The following MGST1 variants were observed in gnomAD, a reference collection of about 807,000 sequenced individuals.
The protein encoded by MGST1 is microsomal glutathione S-transferase 1, also known as glutathione S-transferase 12.
Under a neutral mutation model 8.9 loss-of-function variants are expected in MGST1, and 5 were observed. That is an observed-to-expected ratio of 0.56 (90% CI 0.29 to 1.19). MGST1 has a LOEUF of 1.19. MGST1 is among the 50% of genes most tolerant of loss of function. The pLI, the probability that MGST1 is intolerant of heterozygous loss-of-function variation, is 0.08. For synonymous variants in MGST1, 54 were observed against 67.8 expected (o/e 0.80, Z 1.00); for missense variants, 182 against 187.4 (o/e 0.97, Z 0.17).
At chr12:16,417,845 A>G (rs1275073279) in intron 1 of MGST1, among the ~76,000 whole-genome samples, 1 of 152,188 alleles carries the variant, frequency 6.6e-6, no homozygotes, top group Non-Finnish European at 1.5e-5. Context: ...CAACTACTAA[A>G]ACATCAAAAG....
chr12:16,356,607 C>T (rs958106068), intron 2 of MGST1, among the ~76,000 whole-genome samples: 5 of 152,110 alleles, frequency 3.3e-5, no homozygotes, highest in Admixed American at 1.3e-4. Context: ...TAAATAGTGG[C>T]ACATGCTTAA....
intron 1 of MGST1, among the ~76,000 whole-genome samples, chr12:16,421,203 G>A (rs1473472661): frequency 2.6e-5 from 4 of 152,012 alleles, no homozygotes; most frequent in African/African-American, 9.7e-5. Flanking sequence ...GGGAAGGGAG[G>A]TACTAAACAT....
rs1941812928 is a variant in MGST1, at chr12:16,544,676, C to T, written n.483-44852C>T. Among the ~76,000 whole-genome samples the T allele has an allele frequency of 6.6e-6, 1 of 151,820 alleles. No individual in the cohort carries two copies. Among genetic ancestry groups the T allele is most frequent in the Admixed American group, 6.6e-5 (1 of 15,214 alleles). ...GTTCAAGTCCTTATTTCTGAGGGGA[C>T]AAAAATATCAAAATAATCCTATAGC... On this transcript the variant is annotated intron_variant and non_coding_transcript_variant, in intron 4 of 4. Transcript: ENST00000538857. The surrounding 1 kb of genome is among the most constrained non-coding windows in gnomAD (Gnocchi z 4.8).
intron 2 of MGST1, 172 bp from the exon 3 acceptor site, chr12:16,357,433 T>G: frequency 1.8e-6 from 1 of 549,588 alleles, no homozygotes; most frequent in South Asian, 2.5e-5. Context: ...CATGCAAAAT[T>G]TTTTTTAAAA....
intron 4 of MGST1, among the ~76,000 whole-genome samples, chr12:16,521,145 T>A (rs1941646198): frequency 6.6e-6 from 1 of 152,148 alleles, no homozygotes. Context: ...TCAGTATGGT[T>A]CTGATCGTGT....
chr12:16,513,750 T>A lies in MGST1; in HGVS notation n.483-75778T>A, dbSNP rs1459519974. ...GCGAGAATAGCGAAGTCTCGAAAAG[T>A]GGCCGGTTTGTCACTGTGCAGACCA... On this transcript the variant is annotated intron_variant and non_coding_transcript_variant, in intron 4 of 4. Coordinates refer to the MGST1 transcript ENST00000538857. The surrounding 1 kb of genome is among the most constrained non-coding windows in gnomAD (Gnocchi z 4.2). The A allele has an allele frequency of 1.7e-6, 1 of 576,700 alleles. No individual in the cohort carries two copies. Among genetic ancestry groups the A allele is most frequent in the Non-Finnish European group, 3.5e-6 (1 of 288,610 alleles). 35.7% of individuals were successfully genotyped at this position (576,700 alleles called of 1,614,324 possible). A position where few individuals can be genotyped will look rare whatever the true frequency, so the allele number is the denominator to read the frequency against.
chr12:16,486,205 A>G (rs933810237), intron 4 of MGST1, among the ~76,000 whole-genome samples: 1 of 152,210 alleles, frequency 6.6e-6, no homozygotes. Flanking sequence ...TCCATTGGAT[A>G]GATCACATTT....
chr12:16,430,131 A>G (rs570787598), intron 1 of MGST1, among the ~76,000 whole-genome samples: 2 of 152,322 alleles, frequency 1.3e-5, no homozygotes, highest in South Asian at 2.1e-4. Context: ...GTAAGAAGCA[A>G]CTTCTCATCT....
chr12:16,402,371 A>C, intron 1 of MGST1: 1 of 1,604,262 alleles, frequency 6.2e-7, no homozygotes, highest in Non-Finnish European at 8.5e-7. Flanking sequence ...ATTGCTGTAC[A>C]GTCTCTTCAC....
At chr12:16,580,130 G>A (rs1012292316) in intron 4 of MGST1, among the ~76,000 whole-genome samples, 3 of 152,046 alleles carry the variant, frequency 2.0e-5, no homozygotes, top group Middle Eastern at 3.2e-3. Context: ...ATACACCTAC[G>A]TTATTTTTAT....
intron 4 of MGST1, among the ~76,000 whole-genome samples, chr12:16,563,140 A>G (rs1221496904): frequency 6.6e-6 from 1 of 152,150 alleles, no homozygotes; most frequent in Non-Finnish European, 1.5e-5. Context: ...CCTTTTCCTA[A>G]GAGGGCGAAT....
chr12:16,517,902 A>G lies in MGST1; in HGVS notation n.483-71626A>G, dbSNP rs1210086777. On this transcript the variant is annotated intron_variant and non_coding_transcript_variant, in intron 4 of 4. Coordinates refer to the MGST1 transcript ENST00000538857. The surrounding 1 kb of genome is among the most constrained non-coding windows in gnomAD (Gnocchi z 4.2). ...GATTAATGTACATTTAGCCTTAAAGAGATGCATTTTCATTTGATGTGATAA... is the reference window on the plus strand; with the variant it reads ...GATTAATGTACATTTAGCCTTAAAGGGATGCATTTTCATTTGATGTGATAA... Among the ~76,000 whole-genome samples the G allele has an allele frequency of 6.6e-6, 1 of 152,208 alleles. No individual in the cohort carries two copies. The highest frequency in any genetic ancestry group is 1.5e-5 in the Non-Finnish European group (1 of 68,044).
At position 16,582,552 on chromosome 12, in the gene MGST1, G is replaced by C. The variant is rs1030247517; in HGVS notation, n.483-6976G>C. Among the ~76,000 whole-genome samples, 19 of 152,180 alleles carry C rather than the reference G, an allele frequency of 1.2e-4. No individual in the cohort carries two copies. Among genetic ancestry groups the C allele is most frequent in the Non-Finnish European group, 2.4e-4 (16 of 68,042 alleles). On this transcript the variant is annotated intron_variant and non_coding_transcript_variant, in intron 4 of 4. Coordinates refer to the MGST1 transcript ENST00000538857. The surrounding 1 kb of genome is among the most constrained non-coding windows in gnomAD (Gnocchi z 4.1). ...ACTTAATTGTGGATACTATGGAAGTGGCTAGATATACATTGCTTAAGCTTG... is the reference window on the plus strand; with the variant it reads ...ACTTAATTGTGGATACTATGGAAGTCGCTAGATATACATTGCTTAAGCTTG...
chr12:16,432,948 C>T (rs1206240803), intron 1 of MGST1, among the ~76,000 whole-genome samples: 3 of 151,884 alleles, frequency 2.0e-5, no homozygotes, highest in African/African-American at 7.3e-5. Flanking sequence ...ACCTGGAAAC[C>T]AATAGTGTGT....
intron 4 of MGST1, among the ~76,000 whole-genome samples, chr12:16,502,016 A>G (rs1941508374): frequency 1.3e-5 from 2 of 152,212 alleles, no homozygotes; most frequent in Non-Finnish European, 2.9e-5. Context: ...TAACTTATTT[A>G]ATATTACTGA....
intron 4 of MGST1, among the ~76,000 whole-genome samples, chr12:16,498,918 G>A (rs754579428): frequency 4.6e-5 from 7 of 152,084 alleles, no homozygotes; most frequent in South Asian, 2.1e-4. Context: ...AGGAGACTCC[G>A]GTGATATAAA....
chr12:16,468,699 T>A (rs758421756), intron 4 of MGST1, among the ~76,000 whole-genome samples: 2 of 152,148 alleles, frequency 1.3e-5, no homozygotes, highest in Non-Finnish European at 2.9e-5. Context: ...CAGAAAATAT[T>A]TGTTGTAGGA....
chr12:16,397,859 T>G (rs150321020), intron 1 of MGST1, among the ~76,000 whole-genome samples: 47 of 149,522 alleles, frequency 3.1e-4, no homozygotes, highest in African/African-American at 1.1e-3. Flanking sequence ...ATATTTAATA[T>G]ATATTTTAGT....
chr12:16,498,617 G>T (rs1358226584), intron 4 of MGST1, among the ~76,000 whole-genome samples: 1 of 152,124 alleles, frequency 6.6e-6, no homozygotes, highest in Non-Finnish European at 1.5e-5. Context: ...AGCATGTGAG[G>T]CTAATCATCT....
Sources: gnomAD v4.1 joint callset for allele counts (sites outside exome capture counted in the v4.1 genomes callset) on GRCh38, gnomAD v4.1.1 for gene constraint, Gnocchi (gnomAD v3.1) non-coding constraint, MANE v1.5 for transcripts, NCBI Gene and HGNC (gene_info 2026-07-23, HGNC 2026-07-21) for gene names.